Variants in ROBO1 observed in about 807,000 individuals in gnomAD.
ROBO1 encodes the protein roundabout guidance receptor 1, also known as roundabout homolog 1.
A neutral mutation model predicts 195.9 loss-of-function variants in ROBO1; 149 were observed. The observed-to-expected ratio is 0.76, with a 90% CI of 0.67 to 0.87. The LOEUF (loss-of-function observed/expected upper bound fraction) is 0.87. Ranked by LOEUF, ROBO1 falls within the 40% of genes least tolerant of loss-of-function variation. The pLI is 0.00. For synonymous variants in ROBO1, 816 were observed against 733.2 expected (o/e 1.11, Z -1.82); for missense variants, 1,933 against 2,068.3 (o/e 0.93, Z 1.27).
At chr3:79,303,159 G>GTTTTTTTTTTT (rs368110549) in intron 2 of ROBO1, among the ~76,000 whole-genome samples, 3 of 72,076 alleles carry the variant, frequency 4.2e-5, no homozygotes, top group East Asian at 4.0e-4. Context: ...ATCTCACATA[G>GTTTTTTTTTTT]GTTTTTTTTT....
intron 2 of ROBO1, among the ~76,000 whole-genome samples, chr3:79,554,075 C>T (rs944240724): frequency 6.6e-6 from 1 of 151,966 alleles, no homozygotes; most frequent in Non-Finnish European, 1.5e-5. Flanking sequence ...TTCATACCAA[C>T]ATAATTCAAG....
intron 2 of ROBO1, among the ~76,000 whole-genome samples, chr3:79,514,664 C>T (rs1940865267): frequency 6.6e-6 from 1 of 152,136 alleles, no homozygotes; most frequent in East Asian, 1.9e-4. Context: ...ACTATTATCA[C>T]CAAAAAACCT....
At position 78,938,660 on chromosome 3, in the gene ROBO1, C is replaced by T. The variant is rs765505702; in HGVS notation, c.440G>A (p.Cys147Tyr). 1 of 1,613,870 alleles carries T rather than the reference C, an allele frequency of 6.2e-7. No homozygotes were observed. The highest frequency in any genetic ancestry group is 1.3e-5 in the African/African-American group (1 of 74,936). ...KSRPDEGVYVCVARNYLGEAV... is the reference protein window; with the variant it reads ...KSRPDEGVYVYVARNYLGEAV... Reference sequence around the variant, plus strand: ...CTCTCCAAGGTAATTCCTTGCTACACAGACATAGACTCCTTCATCAGGTCT... The same window carrying T: ...CTCTCCAAGGTAATTCCTTGCTACATAGACATAGACTCCTTCATCAGGTCT... Residue 147 changes from cysteine (C) to tyrosine (Y), a missense_variant, in exon 4 of 31, where the codon TGT (cysteine) becomes TAT (tyrosine). Coordinates refer to ENST00000464233, the MANE Select transcript of ROBO1 (RefSeq NM_002941.4).
chr3:79,194,245 A>T lies in ROBO1; in HGVS notation c.89-68706T>A, dbSNP rs145852031. On this transcript the variant is annotated intron_variant, in intron 2 of 30. Coordinates refer to ENST00000464233, the MANE Select transcript of ROBO1 (RefSeq NM_002941.4). ...AAGCGCTTTGTTTTTCCTAGGTAAA[A>T]AGTAACCTCTCTTGTTAGCAAACAT... Among the ~76,000 whole-genome samples, 724 of 151,816 alleles carry T rather than the reference A, an allele frequency of 4.8e-3. 3 individuals carry two copies. Among genetic ancestry groups the T allele is most frequent in the Admixed American group, 7.3e-3 (111 of 15,184 alleles).
At chr3:79,612,054 G>T (rs2107925467) in intron 1 of ROBO1, among the ~76,000 whole-genome samples, 2 of 150,986 alleles carry the variant, frequency 1.3e-5, no homozygotes, top group African/African-American at 4.9e-5. Context: ...ATACTTTTAA[G>T]TTATAGGGTA....
chr3:79,335,839 C>T (rs1047166336), intron 2 of ROBO1, among the ~76,000 whole-genome samples: 1 of 152,188 alleles, frequency 6.6e-6, no homozygotes, highest in Non-Finnish European at 1.5e-5. Flanking sequence ...AACTTTGGTA[C>T]TTCCTAGAGA....
rs566337906 is a variant in ROBO1 at position 79,570,300 on chromosome 3, A to C, written c.88+19524T>G. On this transcript the variant is annotated intron_variant, in intron 2 of 30. Coordinates refer to ENST00000464233, the MANE Select transcript of ROBO1 (RefSeq NM_002941.4). ...TTTGAATTATAATGAAAAAAAAAAAACTGTTTTCTAATTGCAGTTATTTTT... is the reference window on the plus strand; with the variant it reads ...TTTGAATTATAATGAAAAAAAAAAACCTGTTTTCTAATTGCAGTTATTTTT... Among the ~76,000 whole-genome samples, 4 of 151,578 alleles carry C rather than the reference A, an allele frequency of 2.6e-5. No homozygotes were observed. In the South Asian group the frequency reaches 6.3e-4, roughly 24 times the overall value.
At chr3:79,585,793 T>C (rs1943808981) in intron 2 of ROBO1, among the ~76,000 whole-genome samples, 1 of 151,958 alleles carries the variant, frequency 6.6e-6, no homozygotes, top group Non-Finnish European at 1.5e-5. Flanking sequence ...TCTTTACTTT[T>C]AAGAAGCATC....
At chr3:78,611,973 G>T (rs1703841519) in intron 28 of ROBO1, among the ~76,000 whole-genome samples, 1 of 152,086 alleles carries the variant, frequency 6.6e-6, no homozygotes, top group African/African-American at 2.4e-5. Context: ...ATAAATTTCT[G>T]TTTTTGAAGC....
At chr3:78,994,829 G>A (rs944625566) in intron 3 of ROBO1, among the ~76,000 whole-genome samples, 15 of 152,238 alleles carry the variant, frequency 9.9e-5, no homozygotes, top group African/African-American at 3.6e-4. Flanking sequence ...GAACCCAGAC[G>A]GAGTTAATCA....
At chr3:79,326,041 A>G (rs930730990) in intron 2 of ROBO1, among the ~76,000 whole-genome samples, 3 of 152,012 alleles carry the variant, frequency 2.0e-5, no homozygotes, top group African/African-American at 7.2e-5. Context: ...TAGGGGTGAA[A>G]TAGACCCCAG....
chr3:79,460,314 C>T (rs891377842), intron 2 of ROBO1, among the ~76,000 whole-genome samples: 8 of 152,132 alleles, frequency 5.3e-5, no homozygotes, highest in African/African-American at 1.7e-4. Flanking sequence ...TTTAAATTTA[C>T]CATGTAACAT....
intron 2 of ROBO1, among the ~76,000 whole-genome samples, chr3:79,583,894 A>T (rs1001516101): frequency 1.4e-4 from 21 of 152,158 alleles, no homozygotes; most frequent in Admixed American, 1.2e-3. Context: ...GCATTACCTT[A>T]TCTGAAGAAC....
intron 2 of ROBO1, among the ~76,000 whole-genome samples, chr3:79,363,587 C>T (rs553516563): frequency 2.0e-5 from 3 of 152,288 alleles, no homozygotes; most frequent in Admixed American, 2.0e-4. Context: ...AACACGACTA[C>T]TAACTCTTTG....
At chr3:79,304,526 C>G (rs901499933) in intron 2 of ROBO1, among the ~76,000 whole-genome samples, 10 of 152,138 alleles carry the variant, frequency 6.6e-5, no homozygotes, top group African/African-American at 2.4e-5. Flanking sequence ...CCGTCTTTCA[C>G]TCTCTCCACC....
chr3:79,700,042 A>G (rs1458882267), intron 1 of ROBO1, among the ~76,000 whole-genome samples: 1 of 151,468 alleles, frequency 6.6e-6, no homozygotes, highest in South Asian at 2.1e-4. Context: ...TATGTCCCTA[A>G]GTACCCAGTG....
intron 4 of ROBO1, among the ~76,000 whole-genome samples, chr3:78,845,424 C>T (rs2033594942): frequency 6.6e-6 from 1 of 152,002 alleles, no homozygotes; most frequent in South Asian, 2.1e-4. Flanking sequence ...TTTAAAATTA[C>T]ACATGTGGCT....
chr3:79,172,503 G>C (rs2081185404), intron 2 of ROBO1, among the ~76,000 whole-genome samples: 1 of 152,144 alleles, frequency 6.6e-6, no homozygotes, highest in African/African-American at 2.4e-5. Context: ...AGGGACAGTT[G>C]ATTTCAAAGT....
chr3:78,798,763 A>G (rs2084261515), intron 4 of ROBO1, among the ~76,000 whole-genome samples: 2 of 152,236 alleles, frequency 1.3e-5, no homozygotes, highest in Admixed American at 6.5e-5. Flanking sequence ...TTTTCAGTTC[A>G]AGGAAACTTC....
Sources: gnomAD v4.1 joint callset for allele counts (sites outside exome capture counted in the v4.1 genomes callset) on GRCh38, gnomAD v4.1.1 for gene constraint, MANE v1.5 for transcripts, NCBI Gene and HGNC (gene_info 2026-07-23, HGNC 2026-07-21) for gene names.